SYTL1: variants seen among roughly 807,000 people sequenced by gnomAD.
The protein encoded by SYTL1 is synaptotagmin like 1, also known as synaptotagmin-like protein 1.
SYTL1 carries 53 observed loss-of-function variants against 74.6 expected under a neutral mutation model. That is an observed-to-expected ratio of 0.71 (90% CI 0.57 to 0.89). The LOEUF (loss-of-function observed/expected upper bound fraction) is 0.89, where lower values mean the gene tolerates loss of function less well. SYTL1 is among the 40% of genes least tolerant of loss of function. The pLI, the probability that SYTL1 is intolerant of heterozygous loss-of-function variation, is 0.00. For synonymous variants in SYTL1, 329 were observed against 324.9 expected, an observed-to-expected ratio of 1.01 and a Z score of -0.14; for missense variants, 728 against 768.7, an observed-to-expected ratio of 0.95 and a Z score of 0.63.
Position 27,349,691 on chromosome 1 carries a change from GC to G in SYTL1, c.677del (p.Pro226ArgfsTer25). 6.2e-7 allele frequency: 1 copy of G among 1,611,166 alleles called. No homozygotes were observed. Reference protein sequence around the residue: ...ASQILENGEEAPGPDPSLDRM... With the variant: ...ASQILENGEEXPGPDPSLDRM... ...CCAGATCCTGGAGAATGGGGAGGAG[GC>G]CCCGGGGCCCGACCCCTCTCTCGAC... On this transcript the variant is annotated frameshift_variant, in exon 8 of 15. Transcript: ENST00000616558. LOFTEE classifies it high-confidence loss of function.
At chr1:27,353,167 C>G in intron 13 of SYTL1, 116 bp from the exon 14 acceptor site, 3 of 1,066,778 alleles carry the variant, frequency 2.8e-6, no homozygotes, top group Non-Finnish European at 4.1e-6. Flanking sequence ...TAAGGCCAGG[C>G]AGGCAGGAGC....
Position 27,351,820 on chromosome 1 carries a change from T to C in SYTL1, c.1343+265T>C. ...TGCAAGGGTCCTTCCATAGAGAACC[T>C]GGGAGGCCAGGCTGTGGGGCTTGGC... On this transcript the variant is annotated intron_variant, in intron 13 of 14. Transcript: ENST00000616558. The surrounding 1 kb of genome is among the most constrained non-coding windows in gnomAD (Gnocchi z 5.0). The C allele has an allele frequency of 2.6e-6, 1 of 388,090 alleles. No homozygotes were observed. Among genetic ancestry groups the C allele is most frequent in the South Asian group, 6.4e-5 (1 of 15,538 alleles). The allele number at this position is 388,090 out of a possible 1,614,324, so 24.0% of individuals were successfully genotyped here.
Position 27,348,884 on chromosome 1 carries a change from A to T in SYTL1, c.460-196A>T, listed in dbSNP as rs140574591. Among the ~76,000 whole-genome samples the T allele has an allele frequency of 2.3e-3, 355 of 152,310 alleles. 3 individuals are homozygous for T. Among genetic ancestry groups the T allele is most frequent in the African/African-American group, 8.2e-3 (340 of 41,558 alleles). On this transcript the variant is annotated intron_variant, in intron 5 of 14. Coordinates refer to ENST00000616558, the MANE Select transcript of SYTL1 (RefSeq NM_001193308.2). The surrounding 1 kb of genome is among the most constrained non-coding windows in gnomAD (Gnocchi z 4.1). ...CAATGGGAGTAGGGAGTCAGGCGGC[A>T]CAAGCCCTGCGGGGTGGGCTGTGAA...
chr1:27,342,256 C>T lies in SYTL1; in HGVS notation c.-39+106C>T. ...GCACCTTGGGGTTGGGGGAGGTGGG[C>T]ACATGTCTGGAACTGGAACAGCTGG... is the stretch of plus-strand genomic sequence containing the variant. On this transcript the variant is annotated intron_variant, in intron 1 of 14. Transcript: ENST00000616558. The surrounding 1 kb of genome is among the most constrained non-coding windows in gnomAD (Gnocchi z 4.7). 1 of 848,258 alleles carries T rather than the reference C, an allele frequency of 1.2e-6. No homozygotes were observed. Among genetic ancestry groups the T allele is most frequent in the Non-Finnish European group, 1.4e-6 (1 of 705,026 alleles). The allele number at this position is 848,258 out of a possible 1,614,324, so 52.5% of individuals were successfully genotyped here. A position where few individuals can be genotyped will look rare whatever the true frequency, so the allele number is the denominator to read the frequency against.
intron 13 of SYTL1, 146 bp from the exon 14 acceptor site, chr1:27,353,137 G>A (rs998220603): frequency 6.3e-6 from 5 of 788,250 alleles, no homozygotes; most frequent in Non-Finnish European, 1.0e-5. Context: ...TGGTGCAAAG[G>A]TCCCAGGGCA....
Position 27,345,327 on chromosome 1 carries a change from C to T in SYTL1, c.-8C>T, listed in dbSNP as rs2014949689. 1.3e-6 allele frequency: 2 copies of T among 1,499,028 alleles called. No homozygotes were observed. Among genetic ancestry groups the T allele is most frequent in the Non-Finnish European group, 1.8e-6 (2 of 1,124,200 alleles). The allele number at this position is 1,499,028 out of a possible 1,614,324, so 92.9% of individuals were successfully genotyped here. The stretch of plus-strand genomic sequence containing the variant: ...TCCGTGTGCCCAGCTGGGGCACAGC[C>T]CCAGCTGATGCCCCAGAGGGGCCAC... On this transcript the variant is annotated 5_prime_UTR_variant, in exon 2 of 15. Coordinates refer to ENST00000616558, the MANE Select transcript of SYTL1 (RefSeq NM_001193308.2). The surrounding 1 kb of genome is among the most constrained non-coding windows in gnomAD (Gnocchi z 6.0).
Position 27,350,734 on chromosome 1 carries a change from C to A in SYTL1, c.1006-60C>A. On this transcript the variant is annotated intron_variant, in intron 10 of 14. Transcript: ENST00000616558. The surrounding 1 kb of genome is among the most constrained non-coding windows in gnomAD (Gnocchi z 6.3). ...GCGGTAGGACCTGCCTCAGCCAACT[C>A]GCGCAGCATCTACGCGGGCCACCAG... 1.3e-6 allele frequency: 2 copies of A among 1,580,398 alleles called. No individual in the cohort carries two copies. Among genetic ancestry groups the A allele is most frequent in the Non-Finnish European group, 1.7e-6 (2 of 1,157,446 alleles).
chr1:27,349,801 G>T, intron 8 of SYTL1, 36 bp downstream of exon 8: 2 of 1,562,490 alleles, frequency 1.3e-6, no homozygotes, highest in Middle Eastern at 1.7e-4. Context: ...GCGGCCGGGG[G>T]GTGGACCCGT....
chr1:27,345,080 T>G lies in SYTL1; in HGVS notation c.-38-217T>G. 3.0e-6 allele frequency: 1 copy of G among 335,154 alleles called. No individual in the cohort carries two copies. The allele number at this position is 335,154 out of a possible 1,614,324, so 20.8% of individuals were successfully genotyped here. On this transcript the variant is annotated intron_variant, in intron 1 of 14. Transcript: ENST00000616558. This position sits in a 1 kb window ranked among gnomAD's most constrained non-coding sequence, Gnocchi z 6.0. ...GTGGCCCTACCTCAGGGTGTGTGCA[T>G]GTGTGTCTCTTGCTTCTTCCACTGT...
Position 27,350,803 on chromosome 1 carries a change from C to T in SYTL1, c.1015C>T (p.Pro339Ser), listed in dbSNP as rs761885072. ...CACCTCCTGTCCTCAGTACTCCGTC[C>T]CGCAGGCCGAGCTTCAGGGCCGCGT... ...VFNETLRYSVPQAELQGRVLS... is the reference protein window; with the variant it reads ...VFNETLRYSVSQAELQGRVLS... Residue 339 changes from proline to serine, a missense_variant, in exon 11 of 15, where the codon CCG becomes TCG. Physicochemically the swap from Pro to Ser is moderately conservative, Grantham distance 74. Transcript: ENST00000616558. This position sits in a 1 kb window ranked among gnomAD's most constrained non-coding sequence, Gnocchi z 6.3. The T allele has an allele frequency of 6.8e-6, 11 of 1,613,668 alleles. No individual in the cohort carries two copies. In the South Asian group the frequency reaches 7.7e-5, roughly 11 times the overall value.
In SYTL1 at chr1:27,350,590, G is replaced by A; in HGVS notation, c.1005+105G>A. 2.7e-6 allele frequency: 3 copies of A among 1,116,126 alleles called. No homozygotes were observed. The highest frequency in any genetic ancestry group is 2.0e-5 in the Admixed American group (1 of 48,932). 69.1% of individuals were successfully genotyped at this position (1,116,126 alleles called of 1,614,324 possible). On this transcript the variant is annotated intron_variant, in intron 10 of 14. Coordinates refer to ENST00000616558, the MANE Select transcript of SYTL1 (RefSeq NM_001193308.2). This position sits in a 1 kb window ranked among gnomAD's most constrained non-coding sequence, Gnocchi z 6.3. ...CAGTAACGTCATTGCCCGGAGGATC[G>A]GCGGAGGGGGCCCATTAACTCGTTA...
rs772407849 is a variant in SYTL1 at position 27,350,783 on chromosome 1, C to G, written c.1006-11C>G. 6.2e-7 allele frequency: 1 copy of G among 1,613,564 alleles called. No homozygotes were observed. Among genetic ancestry groups the G allele is most frequent in the South Asian group, 1.1e-5 (1 of 91,068 alleles). Reference sequence around the variant, plus strand: ...AGCAGTGCTCCACTAAAGCTCACCTCCTGTCCTCAGTACTCCGTCCCGCAG... The same window carrying G: ...AGCAGTGCTCCACTAAAGCTCACCTGCTGTCCTCAGTACTCCGTCCCGCAG... On this transcript the variant is annotated splice_polypyrimidine_tract_variant and intron_variant, in intron 10 of 14. Transcript: ENST00000616558. The surrounding 1 kb of genome is among the most constrained non-coding windows in gnomAD (Gnocchi z 6.3).
chr1:27,345,220 G>T lies in SYTL1; in HGVS notation c.-38-77G>T. ...CTACCCATACCCGGCCAAGTGTTTGGGGAGAAAAGGGCTGTTGGTTCTAGG... is the reference window on the plus strand; with the variant it reads ...CTACCCATACCCGGCCAAGTGTTTGTGGAGAAAAGGGCTGTTGGTTCTAGG... On this transcript the variant is annotated intron_variant, in intron 1 of 14. Transcript: ENST00000616558. This position sits in a 1 kb window ranked among gnomAD's most constrained non-coding sequence, Gnocchi z 6.0. 1 of 797,900 alleles carries T rather than the reference G, an allele frequency of 1.3e-6. No homozygotes were observed. The allele number at this position is 797,900 out of a possible 1,614,324, so 49.4% of individuals were successfully genotyped here.
chr1:27,350,343 A>G lies in SYTL1; in HGVS notation c.909-46A>G, dbSNP rs1374351300. 1 of 1,565,594 alleles carries G rather than the reference A, an allele frequency of 6.4e-7. No individual in the cohort carries two copies. The highest frequency in any genetic ancestry group is 2.2e-5 in the East Asian group (1 of 44,608). ...TGGGGGAGCCCACAGGCAGGGGAGA[A>G]GGCTCTGGGAGGGCCCCTCCTCACC... On this transcript the variant is annotated intron_variant, in intron 9 of 14. Coordinates refer to ENST00000616558, the MANE Select transcript of SYTL1 (RefSeq NM_001193308.2). This position sits in a 1 kb window ranked among gnomAD's most constrained non-coding sequence, Gnocchi z 6.3.
chr1:27,350,969 G>C lies in SYTL1; in HGVS notation c.1164+17G>C, dbSNP rs771144404. 3 of 1,612,062 alleles carry C rather than the reference G, an allele frequency of 1.9e-6. No individual in the cohort carries two copies. Among genetic ancestry groups the C allele is most frequent in the Non-Finnish European group, 2.5e-6 (3 of 1,179,444 alleles). On this transcript the variant is annotated intron_variant, in intron 11 of 14. Coordinates refer to ENST00000616558, the MANE Select transcript of SYTL1 (RefSeq NM_001193308.2). This position sits in a 1 kb window ranked among gnomAD's most constrained non-coding sequence, Gnocchi z 6.3. ...CAGCCCCGGGTGAGGCAGCCAGGCC[G>C]CGTGGGGAGACCTGCGGCCCGGGTC...
chr1:27,353,764 A>C lies in SYTL1; in HGVS notation c.1601A>C (p.Lys534Thr), dbSNP rs370911254. ...VPWMDSTPEEKQLWQALLEQP... is the reference protein window; with the variant it reads ...VPWMDSTPEETQLWQALLEQP... ...TGGATGGATTCCACACCTGAGGAGA[A>C]GCAGCTGTGGCAAGCCCTCCTGGAG... is the stretch of plus-strand genomic sequence containing the variant. The change falls in exon 15 of 15, where the codon AAG becomes ACG. Residue 534 changes from lysine (K) to threonine (T), a missense_variant. Physicochemically the swap from Lys to Thr is moderately conservative, Grantham distance 78. Coordinates refer to ENST00000616558, the MANE Select transcript of SYTL1 (RefSeq NM_001193308.2). 6.2e-6 allele frequency: 10 copies of C among 1,613,932 alleles called. No individual in the cohort carries two copies. In the African/African-American group the frequency reaches 1.3e-4, roughly 22 times the overall value.
intron 6 of SYTL1, 36 bp from the exon 7 acceptor site, chr1:27,349,362 G>A (rs1016822419): frequency 1.4e-6 from 2 of 1,446,010 alleles, no homozygotes; most frequent in African/African-American, 1.4e-5. Context: ...GGGAGGGCAG[G>A]AGAGGGCTCG....
In SYTL1 at chr1:27,350,403, A is replaced by G. The variant is rs764440223; in HGVS notation, c.923A>G (p.Tyr308Cys). Residue 308 changes from tyrosine to cysteine, a missense_variant, in exon 10 of 15, where the codon TAC becomes TGC. Tyr to Cys is a radical substitution (Grantham distance 194). Transcript: ENST00000616558. This position sits in a 1 kb window ranked among gnomAD's most constrained non-coding sequence, Gnocchi z 6.3. ...CACCTCCCCAGCTACGTCAAAAGCT[A>G]CCTCCTCCCGGATAAGCAGAGCAAG... ...RRRSDPYVKSYLLPDKQSKRK... is the reference protein window; with the variant it reads ...RRRSDPYVKSCLLPDKQSKRK... 1.9e-6 allele frequency: 3 copies of G among 1,614,044 alleles called. No homozygotes were observed. In the East Asian group the frequency reaches 6.7e-5, roughly 36 times the overall value.
At chr1:27,349,858 C>A in intron 8 of SYTL1, 93 bp downstream of exon 8, 1 of 1,534,942 alleles carries the variant, frequency 6.5e-7, no homozygotes, top group Non-Finnish European at 8.7e-7. Flanking sequence ...CGGGACCCAC[C>A]GCTGCAGCCC....
Sources: allele counts gnomAD v4.1 joint callset (sites outside exome capture counted in the v4.1 genomes callset), GRCh38; gene constraint gnomAD v4.1.1; non-coding constraint Gnocchi (gnomAD v3.1); transcripts MANE v1.5; gene names NCBI Gene and HGNC (gene_info 2026-07-23, HGNC 2026-07-21).